The following DMXL2 variants were observed in gnomAD, a reference collection of about 807,000 sequenced individuals.
DMXL2 encodes Dmx like 2.
In DMXL2, 103 loss-of-function variants were observed where a neutral mutation model predicts 331.1. The ratio of observed to expected loss-of-function variants is 0.31; its 90% confidence interval spans 0.27 to 0.37. The LOEUF (loss-of-function observed/expected upper bound fraction) is 0.37. DMXL2 is among the 10% of genes least tolerant of loss of function. The pLI is 1.00. For synonymous variants in DMXL2, 1,281 were observed against 1,252.1 expected (o/e 1.02, Z -0.49); for missense variants, 3,171 against 3,642.9 (o/e 0.87, Z 3.33).
intron 1 of DMXL2, among the ~76,000 whole-genome samples, chr15:51,609,416 C>A (rs991217080): frequency 6.6e-6 from 1 of 152,164 alleles, no homozygotes; most frequent in African/African-American, 2.4e-5. Flanking sequence ...ACAACGGACC[C>A]GGTCTACAAT....
intron 27 of DMXL2, among the ~76,000 whole-genome samples, chr15:51,475,479 G>C (rs2041497207): frequency 6.6e-6 from 1 of 151,956 alleles, no homozygotes; most frequent in Non-Finnish European, 1.5e-5. Flanking sequence ...GGGCGACAGA[G>C]CAAGACTCTG....
At chr15:51,600,838 T>A (rs1314018664) in intron 1 of DMXL2, among the ~76,000 whole-genome samples, 1 of 152,100 alleles carries the variant, frequency 6.6e-6, no homozygotes, top group Non-Finnish European at 1.5e-5. Flanking sequence ...GATAAAAAAC[T>A]ATCTCATGAA....
intron 1 of DMXL2, among the ~76,000 whole-genome samples, chr15:51,608,238 T>C (rs2053723020): frequency 6.6e-6 from 1 of 151,694 alleles, no homozygotes; most frequent in African/African-American, 2.4e-5. Flanking sequence ...AACCCAGCAA[T>C]CCCATTATTG....
At chr15:51,610,061 C>A (rs948245627) in intron 1 of DMXL2, among the ~76,000 whole-genome samples, 1 of 151,918 alleles carries the variant, frequency 6.6e-6, no homozygotes, top group African/African-American at 2.4e-5. Context: ...TTTGGAAGAA[C>A]GATCTGAAAC....
At chr15:51,607,568 C>T (rs369828900) in intron 1 of DMXL2, among the ~76,000 whole-genome samples, 29 of 152,206 alleles carry the variant, frequency 1.9e-4, no homozygotes, top group African/African-American at 6.7e-4. Flanking sequence ...TCAATCAGGG[C>T]AGAGGCAATA....
intron 19 of DMXL2, among the ~76,000 whole-genome samples, chr15:51,492,389 A>G (rs1415921336): frequency 6.6e-6 from 1 of 152,248 alleles, no homozygotes; most frequent in Non-Finnish European, 1.5e-5. Flanking sequence ...AGGATAAGTT[A>G]CAATCATGAT....
At chr15:51,475,425 C>T (rs543243168) in intron 27 of DMXL2, among the ~76,000 whole-genome samples, 4 of 152,028 alleles carry the variant, frequency 2.6e-5, no homozygotes, top group Non-Finnish European at 4.4e-5. Context: ...ACCCAGGAGG[C>T]GGAAGTTGCA....
At chr15:51,480,520 GA>G (rs751598525) in intron 24 of DMXL2, 21 bp downstream of exon 24, 11 of 1,480,410 alleles carry the variant, frequency 7.4e-6, no homozygotes, top group South Asian at 1.5e-5. Flanking sequence ...AACCAAGATT[GA>G]AAAAAAAGTG....
intron 23 of DMXL2, among the ~76,000 whole-genome samples, chr15:51,481,943 G>A (rs1163862677): frequency 6.6e-6 from 1 of 152,094 alleles, no homozygotes; most frequent in Non-Finnish European, 1.5e-5. Flanking sequence ...ACACACTCAT[G>A]CATATTGGCT....
rs2043786755 is a variant in DMXL2 at position 51,502,984 on chromosome 15, T to C, written c.2814A>G (p.Gly938=). 2 of 1,613,934 alleles carry C rather than the reference T, an allele frequency of 1.2e-6. No individual in the cohort carries two copies. Among genetic ancestry groups the C allele is most frequent in the Non-Finnish European group, 1.7e-6 (2 of 1,179,810 alleles). Residue 938 remains glycine (G), a synonymous_variant, in exon 17 of 44, where the codon GGA becomes GGG. Coordinates refer to ENST00000560891, the MANE Select transcript of DMXL2 (RefSeq NM_001378457.1). ...ASSESLLSVP[G]QKNVDSSPET... is the part of the protein sequence containing the mutation. Reference sequence around the variant, plus strand: ...CTGGAGAAGAATCTACGTTCTTCTGTCCAGGGACTGAAAGTAGACTCTCAG... The same window carrying C: ...CTGGAGAAGAATCTACGTTCTTCTGCCCAGGGACTGAAAGTAGACTCTCAG...
intron 1 of DMXL2, among the ~76,000 whole-genome samples, chr15:51,621,656 T>C (rs184042038): frequency 3.2e-4 from 48 of 152,338 alleles, no homozygotes; most frequent in African/African-American, 1.1e-3. Flanking sequence ...CTACTTCATC[T>C]AGCTTTTAAG....
rs143018219 is a variant in DMXL2 at position 51,600,131 on chromosome 15, C to A, written c.87+22328G>T. Among the ~76,000 whole-genome samples the A allele has an allele frequency of 3.2e-3, 481 of 152,308 alleles. 2 individuals carry two copies. The highest frequency in any genetic ancestry group is 0.011 in the African/African-American group (468 of 41,550). On this transcript the variant is annotated intron_variant, in intron 1 of 43. Transcript: ENST00000560891. ...TTCCTATAATTTTAGGTTGCCTTGG[C>A]ATTCGTTTCAAGTATAAGTCTGACT...
intron 2 of DMXL2, among the ~76,000 whole-genome samples, chr15:51,574,849 G>T (rs1233705596): frequency 1.3e-5 from 2 of 152,154 alleles, no homozygotes; most frequent in Non-Finnish European, 2.9e-5. Context: ...GAGAATGTGT[G>T]TTCATTGCGA....
chr15:51,542,220 G>T, intron 9 of DMXL2, 113 bp downstream of exon 9: 3 of 1,030,986 alleles, frequency 2.9e-6, no homozygotes, highest in Non-Finnish European at 4.2e-6. Context: ...CTCCAATTAA[G>T]TATTTTAAAG....
chr15:51,551,340 G>A (rs1041532645), intron 6 of DMXL2, among the ~76,000 whole-genome samples: 11 of 152,056 alleles, frequency 7.2e-5, no homozygotes, highest in African/African-American at 2.2e-4. Context: ...TTAGGGAGAC[G>A]TGACTAACAC....
intron 39 of DMXL2, 101 bp from the exon 40 acceptor site, chr15:51,455,329 C>T (rs2141205553): frequency 1.1e-6 from 1 of 928,890 alleles, no homozygotes; most frequent in South Asian, 1.4e-5. Flanking sequence ...AATAAACATT[C>T]TGCCTCTAAC....
At chr15:51,574,910 A>G (rs2050917355) in intron 2 of DMXL2, among the ~76,000 whole-genome samples, 1 of 152,232 alleles carries the variant, frequency 6.6e-6, no homozygotes, top group Admixed American at 6.5e-5. Flanking sequence ...GACAACTATC[A>G]TACAACTTTA....
At chr15:51,582,281 T>A (rs578113553) in intron 1 of DMXL2, among the ~76,000 whole-genome samples, 1 of 152,220 alleles carries the variant, frequency 6.6e-6, no homozygotes, top group Non-Finnish European at 1.5e-5. Flanking sequence ...GGTAAATACA[T>A]GACTATAATT....
intron 13 of DMXL2, among the ~76,000 whole-genome samples, chr15:51,532,373 G>C (rs1469805140): frequency 1.3e-5 from 2 of 152,148 alleles, no homozygotes; most frequent in Non-Finnish European, 1.5e-5. Context: ...GTGATTACCA[G>C]AGGCTAGGAG....
Sources: gnomAD v4.1 joint callset for allele counts (sites outside exome capture counted in the v4.1 genomes callset) on GRCh38, gnomAD v4.1.1 for gene constraint, MANE v1.5 for transcripts, NCBI Gene and HGNC (gene_info 2026-07-23, HGNC 2026-07-21) for gene names.